MAD1L1: variants seen among roughly 807,000 people sequenced by gnomAD.
MAD1L1 encodes the protein mitotic spindle assembly checkpoint protein MAD1.
MAD1L1 carries 95 observed loss-of-function variants against 96.9 expected under a neutral mutation model. The ratio of observed to expected loss-of-function variants is 0.98; its 90% confidence interval spans 0.83 to 1.16. MAD1L1 has a LOEUF of 1.16. Ranked by LOEUF, MAD1L1 falls within the 50% of genes most tolerant of loss-of-function variation. MAD1L1 has a pLI of 0.00. For synonymous variants in MAD1L1, 473 were observed against 396.6 expected (o/e 1.19, Z -2.29); for missense variants, 1,007 against 954.4 (o/e 1.06, Z -0.73).
At chr7:1,947,030 C>T (rs749352973) in intron 16 of MAD1L1, among the ~76,000 whole-genome samples, 2 of 152,212 alleles carry the variant, frequency 1.3e-5, no homozygotes, top group South Asian at 4.1e-4. Context: ...GGTAGGTCTC[C>T]GTCCTCTCTG....
intron 6 of MAD1L1, among the ~76,000 whole-genome samples, chr7:2,219,004 G>A (rs1793442288): frequency 6.6e-6 from 1 of 152,182 alleles, no homozygotes; most frequent in South Asian, 2.1e-4. Context: ...AGGCTACAGT[G>A]AGCCATGATT....
intron 11 of MAD1L1, among the ~76,000 whole-genome samples, chr7:2,101,910 C>A (rs1786797953): frequency 1.3e-5 from 2 of 152,150 alleles, no homozygotes; most frequent in Non-Finnish European, 2.9e-5. Context: ...AGGAGGAGTG[C>A]AGTCCAGTGC....
rs746977336 is a variant in MAD1L1 at position 2,225,525 on chromosome 7, C to A, written c.176G>T (p.Arg59Leu). The A allele has an allele frequency of 6.2e-7, 1 of 1,613,824 alleles. No homozygotes were observed. The highest frequency in any genetic ancestry group is 1.3e-5 in the African/African-American group (1 of 74,930). The change falls in exon 4 of 19, where the codon CGT becomes CTT. Residue 59 changes from arginine to leucine, a missense_variant. Arg to Leu is a moderately radical substitution (Grantham distance 102). Coordinates refer to ENST00000265854, the MANE Select transcript of MAD1L1 (RefSeq NM_001013836.2). ...CACCTGGATGAGGTGGGACTTCGAA[C>A]GGATCTGCTCTGCTCTTTCCTCCAG... ...MQLEERAEQIRSKSHLIQVER... is the reference protein window; with the variant it reads ...MQLEERAEQILSKSHLIQVER...
chr7:2,016,971 C>G (rs903197768), intron 12 of MAD1L1, among the ~76,000 whole-genome samples: 1 of 152,248 alleles, frequency 6.6e-6, no homozygotes, highest in Non-Finnish European at 1.5e-5. Flanking sequence ...GGGGACTTCC[C>G]TTGGTAAACA....
At chr7:2,113,203 C>A (rs1441298474) in intron 11 of MAD1L1, among the ~76,000 whole-genome samples, 1 of 152,218 alleles carries the variant, frequency 6.6e-6, no homozygotes, top group Non-Finnish European at 1.5e-5. Context: ...GACGGGCGGA[C>A]AGAAAACCGC....
At chr7:1,828,878 T>A (rs1161500829) in intron 18 of MAD1L1, among the ~76,000 whole-genome samples, 1 of 151,710 alleles carries the variant, frequency 6.6e-6, no homozygotes, top group African/African-American at 2.4e-5. Flanking sequence ...AGGATAGACA[T>A]AAAAGGGACA....
At chr7:2,011,220 A>T (rs1406458092) in intron 13 of MAD1L1, among the ~76,000 whole-genome samples, 2 of 151,932 alleles carry the variant, frequency 1.3e-5, no homozygotes, top group Non-Finnish European at 2.9e-5. Flanking sequence ...GGGTCTCCAG[A>T]GCAGCCCCTT....
At chr7:1,993,990 G>T (rs574552546) in intron 14 of MAD1L1, among the ~76,000 whole-genome samples, 1 of 152,346 alleles carries the variant, frequency 6.6e-6, no homozygotes, top group East Asian at 1.9e-4. Context: ...TGGCCACAGG[G>T]TCTGGGGTCA....
chr7:2,221,128 G>T (rs1212443443), intron 5 of MAD1L1: 11 of 1,064,022 alleles, frequency 1.0e-5, no homozygotes, highest in Non-Finnish European at 1.5e-5. Flanking sequence ...CACCTGCAGC[G>T]CCACCATCTT....
chr7:2,061,132 T>A (rs976422286), intron 12 of MAD1L1, among the ~76,000 whole-genome samples: 1 of 151,998 alleles, frequency 6.6e-6, no homozygotes, highest in African/African-American at 2.4e-5. Flanking sequence ...AGGTCAGGAG[T>A]TCGAGACCAG....
rs774750114 is a variant in MAD1L1, at chr7:1,816,223, G to GGTGGCCTGCGGGGCAGTCAAGAAA, written c.1999-19_2003dup (p.Thr668_Ser669insPheLeuThrAlaProGlnAlaThr). 1.2e-6 allele frequency: 2 copies of GGTGGCCTGCGGGGCAGTCAAGAAA among 1,612,480 alleles called. No individual in the cohort carries two copies. The highest frequency in any genetic ancestry group is 1.7e-6 in the Non-Finnish European group (2 of 1,179,412). On this transcript the variant is annotated inframe_insertion, in exon 19 of 19. Transcript: ENST00000265854. ...GCTGCATCTTGGAACCCGAGGGGCTGGTGGCCTGCGGGGCAGTCAAGAAAG... is the reference window on the plus strand; with the variant it reads ...GCTGCATCTTGGAACCCGAGGGGCTGGTGGCCTGCGGGGCAGTCAAGAAAGTGGCCTGCGGGGCAGTCAAGAAAG...
chr7:1,864,849 G>T (rs1168391210), intron 18 of MAD1L1, among the ~76,000 whole-genome samples: 4 of 152,066 alleles, frequency 2.6e-5, no homozygotes, highest in Admixed American at 2.6e-4. Context: ...AGCTCCCCTC[G>T]ACTTCTGCCA....
Position 2,102,448 on chromosome 7 carries a change from T to C in MAD1L1, c.1074-33110A>G, listed in dbSNP as rs551743454. On this transcript the variant is annotated intron_variant, in intron 11 of 18. Transcript: ENST00000265854. Reference sequence around the variant, plus strand: ...CCACTGTCACCCTCACCACCACTGCTACTGTCACCACTCACCACCACTGCT... The same window carrying C: ...CCACTGTCACCCTCACCACCACTGCCACTGTCACCACTCACCACCACTGCT... 1.7e-4 allele frequency among the ~76,000 whole-genome samples: 14 copies of C among 80,124 alleles called. No individual in the cohort carries two copies. In the East Asian group the frequency reaches 5.3e-3, roughly 30 times the overall value. 52.6% of individuals were successfully genotyped at this position (80,124 alleles called of 152,430 possible).
chr7:1,990,650 C>G (rs1305186253), intron 14 of MAD1L1, among the ~76,000 whole-genome samples: 1 of 152,278 alleles, frequency 6.6e-6, no homozygotes, highest in Non-Finnish European at 1.5e-5. Flanking sequence ...ACCAGAGCAG[C>G]TGTGCTTGGA....
intron 18 of MAD1L1, among the ~76,000 whole-genome samples, chr7:1,882,317 C>T (rs1376897532): frequency 2.0e-5 from 3 of 152,222 alleles, no homozygotes; most frequent in African/African-American, 2.4e-5. Flanking sequence ...CAAGATGGGA[C>T]GTGAAGTCAG....
chr7:1,980,768 C>T (rs1780867647), intron 14 of MAD1L1: 1 of 646,342 alleles, frequency 1.5e-6, no homozygotes, highest in Non-Finnish European at 2.9e-6. Flanking sequence ...TCCTGAATAG[C>T]AACAGATGCA....
intron 11 of MAD1L1, among the ~76,000 whole-genome samples, chr7:2,136,413 C>A (rs912139760): frequency 1.3e-5 from 2 of 152,198 alleles, no homozygotes; most frequent in Non-Finnish European, 2.9e-5. Context: ...AGTGCCAGGG[C>A]AGGGGGACAC....
chr7:2,153,376 G>T (rs1436880404), intron 10 of MAD1L1, among the ~76,000 whole-genome samples: 3 of 152,092 alleles, frequency 2.0e-5, no homozygotes, highest in Non-Finnish European at 4.4e-5. Context: ...CGAAAAAGTA[G>T]GCAAAGGACA....
At chr7:1,889,334 G>A (rs1259595644) in intron 18 of MAD1L1, among the ~76,000 whole-genome samples, 1 of 152,240 alleles carries the variant, frequency 6.6e-6, no homozygotes, top group Non-Finnish European at 1.5e-5. Flanking sequence ...ATGCTGAGGA[G>A]GCTGGGGGAT....
Sources: allele counts gnomAD v4.1 joint callset (sites outside exome capture counted in the v4.1 genomes callset), GRCh38; gene constraint gnomAD v4.1.1; transcripts MANE v1.5; gene names NCBI Gene and HGNC (gene_info 2026-07-23, HGNC 2026-07-21).